Variants in HDAC3 observed in about 807,000 individuals in gnomAD.
HDAC3 encodes the protein SMAP45.
In HDAC3, 21 loss-of-function variants were observed where a neutral mutation model predicts 62.3. The ratio of observed to expected loss-of-function variants is 0.34; its 90% confidence interval spans 0.24 to 0.49. HDAC3 has a LOEUF of 0.49. Among genes scored for constraint, HDAC3 ranks in the 20% least tolerant of loss-of-function variants. The probability of loss-of-function intolerance (pLI) is 0.99; values close to 1 mark genes in which losing one functional copy is unlikely to be tolerated. For synonymous variants in HDAC3, 198 were observed against 206.5 expected, an observed-to-expected ratio of 0.96 and a Z score of 0.35; for missense variants, 270 against 556.9, an observed-to-expected ratio of 0.48 and a Z score of 5.19.
chr5:141,634,847 G>A lies in HDAC3; in HGVS notation c.245C>T (p.Thr82Ile), dbSNP rs2099905739. ...TACGTTGAAGGCATTAAGACTCTTG[G>A]TGAAGCCTTGCATATTGGTGGGGCT... ...RVSPTNMQGF[T>I]KSLNAFNVGD... The change falls in exon 3 of 15, where the codon ACC becomes ATC. Residue 82 changes from threonine to isoleucine, a missense_variant. By Grantham distance (89) the Thr-to-Ile change is moderately conservative (BLOSUM62 -1). This residue lies in a region of HDAC3 where 32 missense variants were observed against 37.4 expected (regional missense o/e 0.86). Coordinates refer to ENST00000305264, the MANE Select transcript of HDAC3 (RefSeq NM_003883.4). 6.2e-6 allele frequency: 10 copies of A among 1,613,982 alleles called. No individual in the cohort carries two copies. The highest frequency in any genetic ancestry group is 4.0e-5 in the African/African-American group (3 of 74,896).
chr5:141,625,832 T>C lies in HDAC3; in HGVS notation c.980-68A>G. On this transcript the variant is annotated intron_variant, in intron 12 of 14. Coordinates refer to ENST00000305264, the MANE Select transcript of HDAC3 (RefSeq NM_003883.4). This position sits in a 1 kb window ranked among gnomAD's most constrained non-coding sequence, Gnocchi z 4.0. Reference sequence around the variant, plus strand: ...CAGCTAACAAGACTTCCCAATCTTTTTCCTTCCCATCCAGAGCACCTACAT... The same window carrying C: ...CAGCTAACAAGACTTCCCAATCTTTCTCCTTCCCATCCAGAGCACCTACAT... 1.4e-6 allele frequency: 2 copies of C among 1,481,286 alleles called. No homozygotes were observed. The highest frequency in any genetic ancestry group is 4.5e-5 in the East Asian group (2 of 44,268). 91.8% of individuals were successfully genotyped at this position (1,481,286 alleles called of 1,614,324 possible). A position where few individuals can be genotyped will look rare whatever the true frequency, so the allele number is the denominator to read the frequency against.
Position 141,628,095 on chromosome 5 carries a change from G to A in HDAC3, c.765+19C>T. ...CAAGCCCAGGCAGAACACTCCTGAG[G>A]AGGAACTGACAGTATTACCTGGAGC... On this transcript the variant is annotated intron_variant, in intron 9 of 14. Coordinates refer to ENST00000305264, the MANE Select transcript of HDAC3 (RefSeq NM_003883.4). The surrounding 1 kb of genome is among the most constrained non-coding windows in gnomAD (Gnocchi z 4.7). The A allele has an allele frequency of 1.2e-6, 2 of 1,612,068 alleles. No homozygotes were observed. Among genetic ancestry groups the A allele is most frequent in the Non-Finnish European group, 1.7e-6 (2 of 1,178,114 alleles).
rs777614312 is a variant in HDAC3 at position 141,621,500 on chromosome 5, C to G, written c.1255G>C (p.Asp419His). Residue 419 changes from aspartate (D) to histidine (H), a missense_variant, in exon 15 of 15, where the codon GAC (aspartate) becomes CAC (histidine). By Grantham distance (81) the Asp-to-His change is moderately conservative. Around this residue, in one of 5 missense-constraint regions of HDAC3, gnomAD observed 44 missense variants for 64.3 expected, o/e 0.68. Coordinates refer to ENST00000305264, the MANE Select transcript of HDAC3 (RefSeq NM_003883.4). ...APNEFYDGDH[D>H]NDKESDVEI The stretch of plus-strand genomic sequence containing the variant: ...TCCACATCGCTTTCCTTGTCATTGT[C>G]ATGGTCTCCATCATAGAACTCATTG... The G allele has an allele frequency of 6.2e-7, 1 of 1,614,026 alleles. No homozygotes were observed. The highest frequency in any genetic ancestry group is 1.7e-5 in the Admixed American group (1 of 60,022).
Position 141,621,227 on chromosome 5 carries a change from TA to T in HDAC3, c.*240del. 2.1e-6 allele frequency: 1 copy of T among 483,736 alleles called. No homozygotes were observed. Among genetic ancestry groups the T allele is most frequent in the Non-Finnish European group, 3.7e-6 (1 of 270,626 alleles). 30.0% of individuals were successfully genotyped at this position (483,736 alleles called of 1,614,324 possible). On this transcript the variant is annotated 3_prime_UTR_variant, in exon 15 of 15. Coordinates refer to ENST00000305264, the MANE Select transcript of HDAC3 (RefSeq NM_003883.4). ...ACTGGCCTCCAGGGCCCACTGCCAA[TA>T]ATGTCCCAGATAGCTATCCTTGTCT... is the stretch of plus-strand genomic sequence containing the variant.
rs1156917433 is a variant in HDAC3 at position 141,625,414 on chromosome 5, G to C, written c.1060-49C>G. 2 of 1,599,362 alleles carry C rather than the reference G, an allele frequency of 1.3e-6. No individual in the cohort carries two copies. Among genetic ancestry groups the C allele is most frequent in the Non-Finnish European group, 1.7e-6 (2 of 1,167,910 alleles). The stretch of plus-strand genomic sequence containing the variant: ...AGTGAGCAGTTTCCAGAGATTCCCA[G>C]GACATGGAATCTCCTAGCTGCCTTT... On this transcript the variant is annotated intron_variant, in intron 13 of 14. Transcript: ENST00000305264. This position sits in a 1 kb window ranked among gnomAD's most constrained non-coding sequence, Gnocchi z 4.0.
chr5:141,622,334 G>T (rs1174126932), intron 14 of HDAC3, among the ~76,000 whole-genome samples: 1 of 152,184 alleles, frequency 6.6e-6, no homozygotes, highest in Admixed American at 6.5e-5. Context: ...AGCCGGGCGT[G>T]GTAGCTCACA....
chr5:141,625,075 G>C lies in HDAC3; in HGVS notation c.1217+133C>G. 1.2e-6 allele frequency: 1 copy of C among 839,162 alleles called. No individual in the cohort carries two copies. The highest frequency in any genetic ancestry group is 1.8e-6 in the Non-Finnish European group (1 of 546,198). The allele number at this position is 839,162 out of a possible 1,614,324, so 52.0% of individuals were successfully genotyped here. ...TTGTCATTAAAAATAACAAAGAAAAGAGTGAGGAAATTGTAGCAGACTAAA... is the reference window on the plus strand; with the variant it reads ...TTGTCATTAAAAATAACAAAGAAAACAGTGAGGAAATTGTAGCAGACTAAA... On this transcript the variant is annotated intron_variant, in intron 14 of 14. Coordinates refer to ENST00000305264, the MANE Select transcript of HDAC3 (RefSeq NM_003883.4). The surrounding 1 kb of genome is among the most constrained non-coding windows in gnomAD (Gnocchi z 4.0).
At chr5:141,636,292 A>G in intron 2 of HDAC3, 1 of 538,396 alleles carries the variant, frequency 1.9e-6, no homozygotes, top group South Asian at 2.3e-5. Context: ...CCAGCCCCAC[A>G]TCACGCTAAC....
Position 141,625,903 on chromosome 5 carries a change from C to T in HDAC3, c.979+110G>A, listed in dbSNP as rs1285674859. On this transcript the variant is annotated intron_variant, in intron 12 of 14. Coordinates refer to ENST00000305264, the MANE Select transcript of HDAC3 (RefSeq NM_003883.4). The surrounding 1 kb of genome is among the most constrained non-coding windows in gnomAD (Gnocchi z 4.0). ...CCTGCTCTGAGCCCAGGGGTTTAGT[C>T]TGCAGAGCTCTGAGAGTGTAAAATT... 7.8e-7 allele frequency: 1 copy of T among 1,288,412 alleles called. No individual in the cohort carries two copies. The highest frequency in any genetic ancestry group is 1.1e-6 in the Non-Finnish European group (1 of 884,178). 79.8% of individuals were successfully genotyped at this position (1,288,412 alleles called of 1,614,324 possible). A position where few individuals can be genotyped will look rare whatever the true frequency, so the allele number is the denominator to read the frequency against.
Position 141,635,717 on chromosome 5 carries a change from G to A in HDAC3, c.139-764C>T, listed in dbSNP as rs1170259422. Among the ~76,000 whole-genome samples, 3 of 152,334 alleles carry A rather than the reference G, an allele frequency of 2.0e-5. No homozygotes were observed. The East Asian group carries it at 5.8e-4, about 29-fold the overall frequency. ...ACTCCTGGGCCCAAGCCATCCTCTC[G>A]CCTCGGCCTCCCAAGTAGTTGGGAC... On this transcript the variant is annotated intron_variant, in intron 2 of 14. Transcript: ENST00000305264.
At chr5:141,632,304 C>T (rs1219191018) in intron 3 of HDAC3, among the ~76,000 whole-genome samples, 5 of 152,270 alleles carry the variant, frequency 3.3e-5, no homozygotes, top group South Asian at 2.1e-4. Context: ...GGATTACAGG[C>T]GTGAGCCACT....
intron 2 of HDAC3, 75 bp from the exon 3 acceptor site, chr5:141,635,028 C>T (rs1468442863): frequency 4.0e-6 from 6 of 1,510,054 alleles, no homozygotes; most frequent in Non-Finnish European, 5.4e-6. Flanking sequence ...CATACTGAAC[C>T]CAGTCCTGGA....
chr5:141,624,288 C>A (rs577441753), intron 14 of HDAC3, among the ~76,000 whole-genome samples: 2 of 139,290 alleles, frequency 1.4e-5, no homozygotes, highest in Non-Finnish European at 3.0e-5. Flanking sequence ...ATAATCCCAG[C>A]ACTTTGGAAG....
rs766053649 is a variant in HDAC3, at chr5:141,626,114, T to C, written c.921-43A>G. 1.2e-6 allele frequency: 2 copies of C among 1,608,428 alleles called. No individual in the cohort carries two copies. The highest frequency in any genetic ancestry group is 2.2e-5 in the East Asian group (1 of 44,840). ...AGGGGAGCAGGCTGACCAAGTGGGC[T>C]GAAGGACCCATGTGGCCATATCTGA... On this transcript the variant is annotated intron_variant, in intron 11 of 14. Transcript: ENST00000305264. This position sits in a 1 kb window ranked among gnomAD's most constrained non-coding sequence, Gnocchi z 4.6.
chr5:141,626,133 T>C lies in HDAC3; in HGVS notation c.920+61A>G. The C allele has an allele frequency of 6.2e-7, 1 of 1,605,280 alleles. No homozygotes were observed. The highest frequency in any genetic ancestry group is 8.5e-7 in the Non-Finnish European group (1 of 1,172,020). On this transcript the variant is annotated intron_variant, in intron 11 of 14. Coordinates refer to ENST00000305264, the MANE Select transcript of HDAC3 (RefSeq NM_003883.4). The surrounding 1 kb of genome is among the most constrained non-coding windows in gnomAD (Gnocchi z 4.6). ...GTGGGCTGAAGGACCCATGTGGCCATATCTGAGGGACACCCTAGCTCACAC... is the reference window on the plus strand; with the variant it reads ...GTGGGCTGAAGGACCCATGTGGCCACATCTGAGGGACACCCTAGCTCACAC...
In HDAC3 at chr5:141,629,655, C is replaced by T; in HGVS notation, c.476+29G>A. ...ACCTCCTCAGCCAAGAATCCCGTAACTGCCCCCATCTCCTCCTGGGCTACT... is the reference window on the plus strand; with the variant it reads ...ACCTCCTCAGCCAAGAATCCCGTAATTGCCCCCATCTCCTCCTGGGCTACT... On this transcript the variant is annotated intron_variant, in intron 6 of 14. Coordinates refer to ENST00000305264, the MANE Select transcript of HDAC3 (RefSeq NM_003883.4). This position sits in a 1 kb window ranked among gnomAD's most constrained non-coding sequence, Gnocchi z 5.3. The T allele has an allele frequency of 6.2e-7, 1 of 1,610,704 alleles. No individual in the cohort carries two copies. Among genetic ancestry groups the T allele is most frequent in the African/African-American group, 1.3e-5 (1 of 74,998 alleles).
chr5:141,626,058 A>G lies in HDAC3; in HGVS notation c.934T>C (p.Ser312Pro). Residue 312 changes from serine to proline, a missense_variant, in exon 12 of 15, where the codon TCG (serine) becomes CCG (proline). By Grantham distance (74) the Ser-to-Pro change is moderately conservative (BLOSUM62 -1). This residue lies in a region of HDAC3 where 156 missense variants were observed against 383.9 expected (regional missense o/e 0.41). Coordinates refer to ENST00000305264, the MANE Select transcript of HDAC3 (RefSeq NM_003883.4). The surrounding 1 kb of genome is among the most constrained non-coding windows in gnomAD (Gnocchi z 4.6). ...NVARCWTYET[S>P]LLVEEAISEE... ...CTAATGGCCTCTTCTACCAGCAGCG[A>G]TGTCTCATATGTCCTGAAACCAACC... 1 of 1,613,992 alleles carries G rather than the reference A, an allele frequency of 6.2e-7. No individual in the cohort carries two copies. Among genetic ancestry groups the G allele is most frequent in the East Asian group, 2.2e-5 (1 of 44,886 alleles).
At chr5:141,636,307 G>T in intron 2 of HDAC3, 1 of 566,138 alleles carries the variant, frequency 1.8e-6, no homozygotes, top group Non-Finnish European at 3.2e-6. Flanking sequence ...GCTAACCCTA[G>T]GCCAAGGGCT....
chr5:141,629,923 G>A lies in HDAC3; in HGVS notation c.364-7C>T, dbSNP rs748453375. The A allele has an allele frequency of 6.2e-7, 1 of 1,614,016 alleles. No homozygotes were observed. Among genetic ancestry groups the A allele is most frequent in the Admixed American group, 1.7e-5 (1 of 60,002 alleles). On this transcript the variant is annotated splice_polypyrimidine_tract_variant and splice_region_variant and intron_variant, in intron 4 of 14. Transcript: ENST00000305264. This position sits in a 1 kb window ranked among gnomAD's most constrained non-coding sequence, Gnocchi z 5.3. The stretch of plus-strand genomic sequence containing the variant: ...TAATGGCAATATCACAGATCTGAAA[G>A]ACAAACACCTAAGTCACAGTCCTTC...
Sources: allele counts gnomAD v4.1 joint callset (sites outside exome capture counted in the v4.1 genomes callset), GRCh38; gene constraint gnomAD v4.1.1; regional missense constraint gnomAD v4.1.1; non-coding constraint Gnocchi (gnomAD v3.1); transcripts MANE v1.5; gene names NCBI Gene and HGNC (gene_info 2026-07-23, HGNC 2026-07-21).